The following BICRA variants were observed in gnomAD, a reference collection of about 807,000 sequenced individuals.
The protein encoded by BICRA is BRD4 interacting chromatin remodeling complex associated protein.
BICRA carries 31 observed loss-of-function variants against 96.9 expected under a neutral mutation model. That is an observed-to-expected ratio of 0.32 (90% CI 0.24 to 0.43). The LOEUF is 0.43. Among genes scored for constraint, BICRA ranks in the 20% least tolerant of loss-of-function variants. The pLI is 1.00. For missense variants in BICRA, 2,283 were observed against 2,190.3 expected (o/e 1.04, Z -0.84); for synonymous variants, 1,350 against 1,071.8 (o/e 1.26, Z -5.07).
At chr19:47,644,098 A>G (rs540561702) in intron 1 of BICRA, among the ~76,000 whole-genome samples, 1 of 152,122 alleles carries the variant, frequency 6.6e-6, no homozygotes, top group South Asian at 2.1e-4. Flanking sequence ...GGCTCACTGC[A>G]GCCTCTACCT....
At chr19:47,616,435 G>A (rs1021213090) in intron 1 of BICRA, among the ~76,000 whole-genome samples, 1 of 152,058 alleles carries the variant, frequency 6.6e-6, no homozygotes, top group Admixed American at 6.6e-5. Flanking sequence ...TCAGGAGTTC[G>A]AGACCAGCCT....
chr19:47,682,758 G>A lies in BICRA; in HGVS notation c.2283+606G>A, dbSNP rs544874336. Among the ~76,000 whole-genome samples, 38 of 150,284 alleles carry A rather than the reference G, an allele frequency of 2.5e-4. 1 individual carries two copies. In the South Asian group the frequency reaches 4.4e-3, roughly 17 times the overall value. ...GCGATCTTGGCTCACTGCAACCTCC[G>A]CCTCCGATGTTTAAGTGATTCTCCT... On this transcript the variant is annotated intron_variant, in intron 7 of 14. Coordinates refer to ENST00000594866, the MANE Select transcript of BICRA (RefSeq NM_001394372.1).
chr19:47,679,902 G>C lies in BICRA; in HGVS notation c.732G>C (p.Ala244=). 1.3e-6 allele frequency: 2 copies of C among 1,521,660 alleles called. No homozygotes were observed. The highest frequency in any genetic ancestry group is 1.8e-6 in the Non-Finnish European group (2 of 1,141,202). 94.3% of individuals were successfully genotyped at this position (1,521,660 alleles called of 1,614,324 possible). A position where few individuals can be genotyped will look rare whatever the true frequency, so the allele number is the denominator to read the frequency against. ...PIQVVGQPVM[A]LNTPTSQLLA... ...AGGTGGTGGGCCAGCCCGTCATGGC[G>C]CTCAACACGCCCACCTCCCAGCTCC... The change falls in exon 6 of 15, where the codon GCG becomes GCC. Residue 244 remains alanine (A), a synonymous_variant. Transcript: ENST00000594866.
In BICRA at chr19:47,679,671, G is replaced by A. The variant is rs8110913; in HGVS notation, c.501G>A (p.Leu167=). 3,021 of 1,515,760 alleles carry A rather than the reference G, an allele frequency of 2.0e-3. 72 individuals carry two copies. In the African/African-American group the frequency reaches 0.038, roughly 19 times the overall value. 93.9% of individuals were successfully genotyped at this position (1,515,760 alleles called of 1,614,324 possible). A position where few individuals can be genotyped will look rare whatever the true frequency, so the allele number is the denominator to read the frequency against. The change falls in exon 6 of 15, where the codon CTG becomes CTA. Residue 167 remains leucine (L), a synonymous_variant. Coordinates refer to ENST00000594866, the MANE Select transcript of BICRA (RefSeq NM_001394372.1). ...TCTTCCCAGGCAGCACCGACCTGCTGGGGCTGCAGGGCCCGCCTACCGTGC... is the reference window on the plus strand; with the variant it reads ...TCTTCCCAGGCAGCACCGACCTGCTAGGGCTGCAGGGCCCGCCTACCGTGC... ...QALFPGSTDL[L]GLQGPPTVLT... is the part of the protein sequence containing the mutation.
rs1418300212 is a variant in BICRA, at chr19:47,680,586, C to T, written c.1416C>T (p.Phe472=). 4 of 1,607,796 alleles carry T rather than the reference C, an allele frequency of 2.5e-6. No individual in the cohort carries two copies. Among genetic ancestry groups the T allele is most frequent in the African/African-American group, 2.7e-5 (2 of 74,704 alleles). Residue 472 remains phenylalanine (F), a synonymous_variant, in exon 6 of 15, where the codon TTC becomes TTT. Transcript: ENST00000594866. ...ACATGCTGCCGGGCCAGAACCAGTT[C>T]CTACTGCCTGGCGCCCCGGCGGTCC... ...AQHMLPGQNQ[F]LLPGAPAVQL... is the part of the protein sequence containing the mutation.
intron 1 of BICRA, among the ~76,000 whole-genome samples, chr19:47,648,262 C>T (rs933637757): frequency 6.6e-6 from 1 of 151,942 alleles, no homozygotes; most frequent in Non-Finnish European, 1.5e-5. Flanking sequence ...CACCTCCTCT[C>T]CCGCCTCCAG....
In BICRA at chr19:47,701,907, G is replaced by A. The variant is rs1464413169; in HGVS notation, c.4175G>A (p.Arg1392His). 2 of 1,441,638 alleles carry A rather than the reference G, an allele frequency of 1.4e-6. No individual in the cohort carries two copies. Among genetic ancestry groups the A allele is most frequent in the Non-Finnish European group, 1.8e-6 (2 of 1,105,808 alleles). The allele number at this position is 1,441,638 out of a possible 1,614,324, so 89.3% of individuals were successfully genotyped here. A position where few individuals can be genotyped will look rare whatever the true frequency, so the allele number is the denominator to read the frequency against. ...CGCCTGCCACTGCGCAAGACCTACC[G>A]CGAGAACGTGGGGGGCCCTGGCGCG... ...CPRLPLRKTY[R>H]ENVGGPGAPE... is the part of the protein sequence containing the mutation. The change falls in exon 15 of 15, where the codon CGC becomes CAC. Residue 1392 changes from arginine to histidine, a missense_variant. Coordinates refer to ENST00000594866, the MANE Select transcript of BICRA (RefSeq NM_001394372.1). This position sits in a 1 kb window ranked among gnomAD's most constrained non-coding sequence, Gnocchi z 5.4.
At position 47,679,512 on chromosome 19, in the gene BICRA, G is replaced by C. The variant is rs1016608544; in HGVS notation, c.342G>C (p.Thr114=). 6.5e-7 allele frequency: 1 copy of C among 1,547,640 alleles called. No homozygotes were observed. The highest frequency in any genetic ancestry group is 1.7e-4 in the Middle Eastern group (1 of 5,774). Residue 114 remains threonine, a synonymous_variant, in exon 6 of 15, where the codon ACG becomes ACC. Coordinates refer to ENST00000594866, the MANE Select transcript of BICRA (RefSeq NM_001394372.1). The part of the protein sequence containing the change: ...LQQSLQEANI[T]EQTLEAEAEL... The stretch of plus-strand genomic sequence containing the variant: ...AGAGCCTCCAAGAGGCCAACATCAC[G>C]GAGCAGACGCTGGAGGCCGAGGCTG...
intron 1 of BICRA, among the ~76,000 whole-genome samples, chr19:47,622,933 GA>G (rs1164030229): frequency 6.7e-6 from 1 of 148,974 alleles, no homozygotes; most frequent in Admixed American, 6.8e-5. Flanking sequence ...AGCTACTCAG[GA>G]GGCTGAGGCA....
chr19:47,698,928 A>T lies in BICRA; in HGVS notation c.3398-37A>T. 2.0e-6 allele frequency: 3 copies of T among 1,497,358 alleles called. No individual in the cohort carries two copies. The highest frequency in any genetic ancestry group is 2.7e-6 in the Non-Finnish European group (3 of 1,095,184). The allele number at this position is 1,497,358 out of a possible 1,614,324, so 92.8% of individuals were successfully genotyped here. A position where few individuals can be genotyped will look rare whatever the true frequency, so the allele number is the denominator to read the frequency against. ...TTCCTGCGCATCCGCGGCCGCCCCCAACATCTCCGCCCTTGCCTCTCTTCC... is the reference window on the plus strand; with the variant it reads ...TTCCTGCGCATCCGCGGCCGCCCCCTACATCTCCGCCCTTGCCTCTCTTCC... On this transcript the variant is annotated intron_variant, in intron 12 of 14. Coordinates refer to ENST00000594866, the MANE Select transcript of BICRA (RefSeq NM_001394372.1). This position sits in a 1 kb window ranked among gnomAD's most constrained non-coding sequence, Gnocchi z 4.8.
At chr19:47,682,413 A>G (rs1336579464) in intron 7 of BICRA, among the ~76,000 whole-genome samples, 4 of 152,202 alleles carry the variant, frequency 2.6e-5, no homozygotes, top group Non-Finnish European at 5.9e-5. Flanking sequence ...ATAATTTTCA[A>G]ATCTGAATAA....
intron 7 of BICRA, among the ~76,000 whole-genome samples, chr19:47,685,173 T>TA (rs1336202160): frequency 1.3e-5 from 2 of 150,894 alleles, no homozygotes; most frequent in Admixed American, 1.3e-4. Flanking sequence ...GTGGGGGAGA[T>TA]ATGGGGTCTC....
Position 47,681,238 on chromosome 19 carries a change from A to G in BICRA, c.2068A>G (p.Ile690Val). Residue 690 changes from isoleucine to valine, a missense_variant, in exon 6 of 15, where the codon ATC becomes GTC. By Grantham distance (29) the Ile-to-Val change is conservative. Coordinates refer to ENST00000594866, the MANE Select transcript of BICRA (RefSeq NM_001394372.1). ...GCCGCCCTCTGCCACCCCCACGGCC[A>G]TCCTCACTCAGGACTCCCTGCAGAT... ...GQPPSATPTA[I>V]LTQDSLQMFL... is the part of the protein sequence containing the mutation. The G allele has an allele frequency of 1.3e-6, 2 of 1,535,912 alleles. No individual in the cohort carries two copies. Among genetic ancestry groups the G allele is most frequent in the Non-Finnish European group, 1.7e-6 (2 of 1,146,454 alleles).
intron 1 of BICRA, among the ~76,000 whole-genome samples, chr19:47,657,609 G>C (rs1021597904): frequency 9.2e-5 from 14 of 151,918 alleles, no homozygotes; most frequent in Non-Finnish European, 1.3e-4. Flanking sequence ...TGTTAGCCAG[G>C]ATGGTCTCGA....
intron 1 of BICRA, among the ~76,000 whole-genome samples, chr19:47,641,451 G>T (rs1972384955): frequency 6.6e-6 from 1 of 152,080 alleles, no homozygotes; most frequent in African/African-American, 2.4e-5. Flanking sequence ...TGTAACTATA[G>T]ATTCAACTTG....
At chr19:47,687,457 A>G (rs570723156) in intron 7 of BICRA, among the ~76,000 whole-genome samples, 1 of 152,272 alleles carries the variant, frequency 6.6e-6, no homozygotes, top group Admixed American at 6.5e-5. Flanking sequence ...CTCTTGAGGA[A>G]TACTTCAGGT....
At chr19:47,665,554 C>T (rs59111669) in intron 1 of BICRA, among the ~76,000 whole-genome samples, 361 of 152,262 alleles carry the variant, frequency 2.4e-3, no homozygotes, top group Middle Eastern at 0.014. Context: ...ACTGCAGCCT[C>T]GAACTCCTGG....
chr19:47,646,319 T>C (rs559111887), intron 1 of BICRA, among the ~76,000 whole-genome samples: 2 of 152,042 alleles, frequency 1.3e-5, no homozygotes, highest in Non-Finnish European at 2.9e-5. Context: ...GCTGGAAACT[T>C]CCCTATGTCT....
chr19:47,697,048 C>G (rs554360968), intron 11 of BICRA, among the ~76,000 whole-genome samples: 13 of 152,230 alleles, frequency 8.5e-5, no homozygotes, highest in African/African-American at 3.1e-4. Flanking sequence ...ACTCTGTCAC[C>G]TAGGCTAGAG....
Sources: allele counts gnomAD v4.1 joint callset (sites outside exome capture counted in the v4.1 genomes callset), GRCh38; gene constraint gnomAD v4.1.1; non-coding constraint Gnocchi (gnomAD v3.1); transcripts MANE v1.5; gene names NCBI Gene and HGNC (gene_info 2026-07-23, HGNC 2026-07-21).